Variants in NKAIN3 observed in about 807,000 individuals in gnomAD.
NKAIN3 encodes sodium/potassium transporting ATPase interacting 3.
A neutral mutation model predicts 30.2 loss-of-function variants in NKAIN3; 25 were observed. The observed-to-expected ratio is 0.83, with a 90% CI of 0.60 to 1.16. The LOEUF is 1.16. Ranked by LOEUF, NKAIN3 falls within the 50% of genes most tolerant of loss-of-function variation. The pLI is 0.00. For synonymous variants in NKAIN3, 91 were observed against 89.6 expected, an observed-to-expected ratio of 1.02 and a Z score of -0.09; for missense variants, 225 against 254.1, an observed-to-expected ratio of 0.89 and a Z score of 0.78.
chr8:62,551,993 C>T (rs1809229669), intron 1 of NKAIN3, among the ~76,000 whole-genome samples: 2 of 152,092 alleles, frequency 1.3e-5, no homozygotes, highest in Admixed American at 6.6e-5. Flanking sequence ...AAAATGTGGG[C>T]CTTTCCATTA....
At chr8:62,876,692 C>A (rs1187270520) in intron 4 of NKAIN3, among the ~76,000 whole-genome samples, 2 of 152,114 alleles carry the variant, frequency 1.3e-5, no homozygotes, top group East Asian at 3.9e-4. Context: ...AACCCATCAG[C>A]CTCAGCAAAC....
intron 1 of NKAIN3, among the ~76,000 whole-genome samples, chr8:62,413,623 A>T (rs2129596104): frequency 6.6e-6 from 1 of 152,342 alleles, no homozygotes; most frequent in South Asian, 2.1e-4. Flanking sequence ...TTAAATCTCT[A>T]AACACATTCA....
At chr8:62,605,207 T>C (rs1279850557) in intron 3 of NKAIN3, among the ~76,000 whole-genome samples, 1 of 152,022 alleles carries the variant, frequency 6.6e-6, no homozygotes, top group Non-Finnish European at 1.5e-5. Context: ...AAAATCGAGG[T>C]GTAAGAAGGG....
At chr8:62,418,090 G>A (rs1478709387) in intron 1 of NKAIN3, among the ~76,000 whole-genome samples, 1 of 152,144 alleles carries the variant, frequency 6.6e-6, no homozygotes, top group Non-Finnish European at 1.5e-5. Flanking sequence ...TGATTGAGGT[G>A]CATTATCAGT....
At chr8:62,709,817 G>A (rs190885718) in intron 3 of NKAIN3, among the ~76,000 whole-genome samples, 12 of 152,056 alleles carry the variant, frequency 7.9e-5, no homozygotes, top group Non-Finnish European at 1.8e-4. Flanking sequence ...ACCTTGGAAC[G>A]TTAGTTTTTG....
At chr8:62,648,734 C>T (rs1812540692) in intron 3 of NKAIN3, among the ~76,000 whole-genome samples, 1 of 152,150 alleles carries the variant, frequency 6.6e-6, no homozygotes, top group Non-Finnish European at 1.5e-5. Flanking sequence ...TGCCTCTTAG[C>T]CATTCTAGGG....
chr8:62,961,239 C>G (rs1453682143), intron 6 of NKAIN3, among the ~76,000 whole-genome samples: 1 of 151,782 alleles, frequency 6.6e-6, no homozygotes, highest in East Asian at 1.9e-4. Context: ...GAGATAGTGC[C>G]ACTGCACTCC....
At chr8:62,260,874 AT>A (rs147426598) in intron 1 of NKAIN3, among the ~76,000 whole-genome samples, 1 of 151,956 alleles carries the variant, frequency 6.6e-6, no homozygotes, top group Non-Finnish European at 1.5e-5. Flanking sequence ...TCTGGGGGTT[AT>A]TTTACATCTA....
At chr8:62,843,472 G>A (rs1354972725) in intron 4 of NKAIN3, among the ~76,000 whole-genome samples, 1 of 151,746 alleles carries the variant, frequency 6.6e-6, no homozygotes, top group African/African-American at 2.4e-5. Flanking sequence ...AAGTAGCTGG[G>A]ACTACAGGCA....
At chr8:62,298,348 T>C (rs187472649) in intron 1 of NKAIN3, among the ~76,000 whole-genome samples, 2 of 152,078 alleles carry the variant, frequency 1.3e-5, no homozygotes, top group East Asian at 1.9e-4. Context: ...TAAAGGATCT[T>C]TCAAAGAATA....
chr8:62,829,872 C>T (rs781080405), intron 4 of NKAIN3, among the ~76,000 whole-genome samples: 7 of 151,954 alleles, frequency 4.6e-5, no homozygotes, highest in African/African-American at 9.7e-5. Flanking sequence ...AAACTAGACT[C>T]CCATAAGGTA....
intron 1 of NKAIN3, among the ~76,000 whole-genome samples, chr8:62,383,176 G>T (rs1817327668): frequency 6.6e-6 from 1 of 152,222 alleles, no homozygotes; most frequent in East Asian, 1.9e-4. Context: ...AACTTTAAAA[G>T]GCAGTCCCCT....
At chr8:62,636,171 G>C (rs1563494014) in intron 3 of NKAIN3, among the ~76,000 whole-genome samples, 1 of 152,162 alleles carries the variant, frequency 6.6e-6, no homozygotes, top group Non-Finnish European at 1.5e-5. Flanking sequence ...ATTGTACTTT[G>C]AGAAGGCCAA....
intron 1 of NKAIN3, among the ~76,000 whole-genome samples, chr8:62,297,938 G>A (rs1439418989): frequency 1.3e-5 from 2 of 152,092 alleles, no homozygotes; most frequent in Admixed American, 6.5e-5. Context: ...GTCCAACAAT[G>A]ATAGACTGGG....
chr8:62,522,471 A>C (rs1488036186), intron 1 of NKAIN3, among the ~76,000 whole-genome samples: 3 of 152,052 alleles, frequency 2.0e-5, no homozygotes, highest in Non-Finnish European at 4.4e-5. Flanking sequence ...AATTATTAAA[A>C]AAAAAGTAAG....
At chr8:62,674,316 C>A (rs1186728389) in intron 3 of NKAIN3, among the ~76,000 whole-genome samples, 1 of 152,214 alleles carries the variant, frequency 6.6e-6, no homozygotes, top group African/African-American at 2.4e-5. Flanking sequence ...ATGCAAAAAA[C>A]AGCTCAGCAG....
intron 4 of NKAIN3, among the ~76,000 whole-genome samples, chr8:62,800,577 T>A (rs1818022678): frequency 6.6e-6 from 1 of 152,162 alleles, no homozygotes; most frequent in Non-Finnish European, 1.5e-5. Context: ...CTACTATAAA[T>A]TCACTACGGA....
intron 3 of NKAIN3, among the ~76,000 whole-genome samples, chr8:62,711,574 A>C (rs1163289700): frequency 8.1e-6 from 1 of 123,114 alleles, no homozygotes; most frequent in Non-Finnish European, 1.7e-5. Context: ...GTGCATCCAA[A>C]GTTTCCTGAA....
intron 1 of NKAIN3, among the ~76,000 whole-genome samples, chr8:62,488,337 C>G (rs1271608728): frequency 6.6e-6 from 1 of 152,158 alleles, no homozygotes; most frequent in Non-Finnish European, 1.5e-5. Flanking sequence ...CTTTCCTCTG[C>G]TAATTCTGGC....
Sources: allele counts gnomAD v4.1 joint callset (sites outside exome capture counted in the v4.1 genomes callset), GRCh38; gene constraint gnomAD v4.1.1; transcripts MANE v1.5; gene names NCBI Gene and HGNC (gene_info 2026-07-23, HGNC 2026-07-21).